PAG1: variants seen among roughly 807,000 people sequenced by gnomAD.
PAG1 encodes phosphoprotein associated with glycosphingolipid-enriched microdomains 1.
A neutral mutation model predicts 31.7 loss-of-function variants in PAG1; 23 were observed. That is an observed-to-expected ratio of 0.73 (90% CI 0.52 to 1.03). The LOEUF (loss-of-function observed/expected upper bound fraction) is 1.03. Among genes scored for constraint, PAG1 ranks in the 50% least tolerant of loss-of-function variants. The probability of loss-of-function intolerance (pLI) is 0.00; values close to 1 mark genes in which losing one functional copy is unlikely to be tolerated. For synonymous variants in PAG1, 214 were observed against 210.3 expected, an observed-to-expected ratio of 1.02 and a Z score of -0.15; for missense variants, 473 against 540.7, an observed-to-expected ratio of 0.87 and a Z score of 1.24.
At position 80,976,776 on chromosome 8, in the gene PAG1, T is replaced by C. The variant is rs1807192624; in HGVS notation, c.1067A>G (p.Asn356Ser). 1.2e-6 allele frequency: 2 copies of C among 1,614,036 alleles called. No homozygotes were observed. Among genetic ancestry groups the C allele is most frequent in the Admixed American group, 3.3e-5 (2 of 60,000 alleles). The change falls in exon 9 of 9, where the codon AAT becomes AGT. Residue 356 changes from asparagine (N) to serine (S), a missense_variant. By Grantham distance (46) the Asn-to-Ser change is conservative. Transcript: ENST00000220597. The part of the protein sequence containing the change: ...GDPQRSPSSC[N>S]DLYATVKDFE... ...GTCTTTAACAGTAGCATAGAGATCA[T>C]TACAGGAGGAGGGTGACCTCTGTGG...
At chr8:81,092,658 T>G (rs951362147) in intron 1 of PAG1, among the ~76,000 whole-genome samples, 2 of 152,228 alleles carry the variant, frequency 1.3e-5, no homozygotes, top group African/African-American at 4.8e-5. Flanking sequence ...ACTTTTAAAA[T>G]TAAGTTCTTC....
At chr8:81,110,051 C>G (rs1809750604) in intron 1 of PAG1, among the ~76,000 whole-genome samples, 1 of 151,934 alleles carries the variant, frequency 6.6e-6, no homozygotes. Context: ...TCTTAGTATT[C>G]CTAAAAAAAA....
chr8:81,016,375 T>C (rs75225625), intron 3 of PAG1, among the ~76,000 whole-genome samples: 97 of 152,354 alleles, frequency 6.4e-4, no homozygotes, highest in East Asian at 4.2e-3. Context: ...TTTAAGGGCC[T>C]ACACTCTTAG....
chr8:81,096,823 A>G (rs1391138460), intron 1 of PAG1, among the ~76,000 whole-genome samples: 1 of 152,180 alleles, frequency 6.6e-6, no homozygotes, highest in Non-Finnish European at 1.5e-5. Flanking sequence ...CTTGCCTGGA[A>G]TGGTTTCTGG....
rs76842950 is a variant in PAG1, at chr8:81,050,929, A to T, written c.-175+19183T>A. Among the ~76,000 whole-genome samples the T allele has an allele frequency of 5.2e-3, 788 of 152,338 alleles. 15 individuals carry two copies. Among genetic ancestry groups the T allele is most frequent in the Admixed American group, 0.031 (477 of 15,304 alleles). Reference sequence around the variant, plus strand: ...GTCTTACAGAATTGAACAAGTAGAGAAGGTGGCCAAAGTGAATTTGAGTTG... The same window carrying T: ...GTCTTACAGAATTGAACAAGTAGAGTAGGTGGCCAAAGTGAATTTGAGTTG... On this transcript the variant is annotated intron_variant, in intron 2 of 8. Coordinates refer to ENST00000220597, the MANE Select transcript of PAG1 (RefSeq NM_018440.4).
chr8:81,095,650 T>C (rs1295647035), intron 1 of PAG1, among the ~76,000 whole-genome samples: 2 of 152,244 alleles, frequency 1.3e-5, no homozygotes, highest in African/African-American at 4.8e-5. Flanking sequence ...GGTTATGTGA[T>C]TGTCTCTTTC....
At chr8:81,040,613 G>T (rs908416732) in intron 2 of PAG1, 1 of 152,138 alleles carries the variant, frequency 6.6e-6, no homozygotes, top group South Asian at 2.1e-4. Context: ...TATCATATAC[G>T]ACTGTTCTTC....
chr8:80,980,013 C>G (rs988115039), intron 8 of PAG1, among the ~76,000 whole-genome samples: 8 of 152,050 alleles, frequency 5.3e-5, no homozygotes, highest in African/African-American at 1.9e-4. Flanking sequence ...CCCACGGAGA[C>G]TTCCTCTTTC....
intron 3 of PAG1, among the ~76,000 whole-genome samples, chr8:80,999,169 C>G (rs1301918660): frequency 1.3e-5 from 2 of 152,318 alleles, no homozygotes; most frequent in African/African-American, 4.8e-5. Context: ...GTTACAGGGA[C>G]TGTGCTACAG....
chr8:80,999,122 A>G (rs1452232607), intron 3 of PAG1, among the ~76,000 whole-genome samples: 2 of 152,238 alleles, frequency 1.3e-5, no homozygotes, highest in African/African-American at 4.8e-5. Flanking sequence ...AAGAGTTTTA[A>G]GCTAAAGTGT....
chr8:80,980,108 G>A (rs1027475060), intron 8 of PAG1, among the ~76,000 whole-genome samples: 3 of 152,034 alleles, frequency 2.0e-5, no homozygotes, highest in Admixed American at 6.6e-5. Flanking sequence ...TCCTTCTGAT[G>A]TGGTCTTCCT....
intron 2 of PAG1, among the ~76,000 whole-genome samples, chr8:81,050,075 G>A (rs923274889): frequency 2.0e-5 from 3 of 152,106 alleles, no homozygotes; most frequent in African/African-American, 7.2e-5. Flanking sequence ...AAATTAACTT[G>A]TAAATATTTT....
intron 3 of PAG1, among the ~76,000 whole-genome samples, chr8:81,019,568 G>C (rs1342836277): frequency 6.6e-6 from 1 of 152,240 alleles, no homozygotes; most frequent in East Asian, 1.9e-4. Context: ...AGCATTGGTG[G>C]CTTACACATG....
chr8:81,088,569 T>G (rs1203131604), intron 1 of PAG1, among the ~76,000 whole-genome samples: 1 of 152,176 alleles, frequency 6.6e-6, no homozygotes, highest in Non-Finnish European at 1.5e-5. Context: ...CTATAATATC[T>G]TTTGGTGTAA....
Position 80,969,916 on chromosome 8 carries a change from T to G in PAG1, c.*6628A>C, listed in dbSNP as rs1213165170. 2 of 152,180 alleles carry G rather than the reference T, an allele frequency of 1.3e-5. No individual in the cohort carries two copies. Among genetic ancestry groups the G allele is most frequent in the African/African-American group, 4.8e-5 (2 of 41,438 alleles). The allele number at this position is 152,180 out of a possible 1,614,324, so 9.4% of individuals were successfully genotyped here. A position where few individuals can be genotyped will look rare whatever the true frequency, so the allele number is the denominator to read the frequency against. Reference sequence around the variant, plus strand: ...CCAAAGTCAGGCAGTTTGCTATAAATGGCCAAGTTATTCTCCTTATCTGGT... The same window carrying G: ...CCAAAGTCAGGCAGTTTGCTATAAAGGGCCAAGTTATTCTCCTTATCTGGT... On this transcript the variant is annotated 3_prime_UTR_variant, in exon 9 of 9. Transcript: ENST00000220597.
At chr8:81,106,440 T>C (rs772620273) in intron 1 of PAG1, among the ~76,000 whole-genome samples, 2 of 152,144 alleles carry the variant, frequency 1.3e-5, no homozygotes, top group Non-Finnish European at 2.9e-5. Flanking sequence ...TCTGCATTTT[T>C]AGCAAATGCC....
intron 1 of PAG1, among the ~76,000 whole-genome samples, chr8:81,089,181 T>C (rs1809406607): frequency 6.6e-6 from 1 of 152,230 alleles, no homozygotes; most frequent in South Asian, 2.1e-4. Context: ...TTAAGTTTCA[T>C]GTTCAGTCAC....
At chr8:81,051,821 TA>T (rs573863824) in intron 2 of PAG1, among the ~76,000 whole-genome samples, 127 of 152,320 alleles carry the variant, frequency 8.3e-4, no homozygotes, top group African/African-American at 3.0e-3. Context: ...ACAGCCTGCA[TA>T]AATCATTTTA....
chr8:80,971,602 C>T lies in PAG1; in HGVS notation c.*4942G>A, dbSNP rs1807078448. 6.6e-6 allele frequency: 1 copy of T among 152,104 alleles called. No individual in the cohort carries two copies. Among genetic ancestry groups the T allele is most frequent in the African/African-American group, 2.4e-5 (1 of 41,424 alleles). 9.4% of individuals were successfully genotyped at this position (152,104 alleles called of 1,614,324 possible). A position where few individuals can be genotyped will look rare whatever the true frequency, so the allele number is the denominator to read the frequency against. On this transcript the variant is annotated 3_prime_UTR_variant, in exon 9 of 9. Transcript: ENST00000220597. ...AGGGTAGCACATTTTAAAAAATACC[C>T]ACAGTATATAACTGGCAAGCCAAAA... is the stretch of plus-strand genomic sequence containing the variant.
Sources: allele counts gnomAD v4.1 joint callset (sites outside exome capture counted in the v4.1 genomes callset), GRCh38; gene constraint gnomAD v4.1.1; transcripts MANE v1.5; gene names NCBI Gene and HGNC (gene_info 2026-07-23, HGNC 2026-07-21).